The following RNGTT variants were observed in gnomAD, a reference collection of about 807,000 sequenced individuals.
RNGTT encodes the protein mRNA-capping enzyme.
RNGTT carries 33 observed loss-of-function variants against 79.3 expected under a neutral mutation model. That is an observed-to-expected ratio of 0.42 (90% CI 0.32 to 0.56). RNGTT has a LOEUF of 0.56. Ranked by LOEUF, RNGTT falls within the 20% of genes least tolerant of loss-of-function variation. The pLI, the probability that RNGTT is intolerant of heterozygous loss-of-function variation, is 0.17. For missense variants in RNGTT, 497 were observed against 739.1 expected, an observed-to-expected ratio of 0.67 and a Z score of 3.80; for synonymous variants, 222 against 235.9, an observed-to-expected ratio of 0.94 and a Z score of 0.54.
intron 5 of RNGTT, 24 bp from the exon 6 acceptor site, chr6:88,904,979 A>G: frequency 1.2e-6 from 2 of 1,608,340 alleles, no homozygotes; most frequent in Non-Finnish European, 1.7e-6. Context: ...ACACCATGCA[A>G]TTTCCTCGCT....
intron 12 of RNGTT, among the ~76,000 whole-genome samples, chr6:88,782,223 T>C (rs980404787): frequency 2.6e-5 from 4 of 152,082 alleles, no homozygotes; most frequent in Non-Finnish European, 5.9e-5. Flanking sequence ...CTCCATGAGG[T>C]AGTTCAATCT....
At chr6:88,910,503 A>G (rs1582120212) in intron 4 of RNGTT, among the ~76,000 whole-genome samples, 1 of 152,232 alleles carries the variant, frequency 6.6e-6, no homozygotes, top group East Asian at 1.9e-4. Flanking sequence ...AGGATTACAT[A>G]AAGTGACCAA....
intron 6 of RNGTT, among the ~76,000 whole-genome samples, chr6:88,895,690 C>T (rs1027650397): frequency 2.2e-4 from 34 of 152,186 alleles, no homozygotes; most frequent in Non-Finnish European, 4.6e-4. Flanking sequence ...TGTTAACTAT[C>T]TTCAACCTCA....
intron 11 of RNGTT, among the ~76,000 whole-genome samples, chr6:88,828,315 G>A (rs1780738557): frequency 6.6e-6 from 1 of 152,196 alleles, no homozygotes; most frequent in Non-Finnish European, 1.5e-5. Context: ...CTGTTAGAAG[G>A]AAAACTAACA....
intron 14 of RNGTT, among the ~76,000 whole-genome samples, chr6:88,615,363 C>T (rs189523824): frequency 3.2e-4 from 49 of 152,258 alleles, no homozygotes; most frequent in African/African-American, 1.1e-3. Context: ...GCTTTCAATT[C>T]GCAGATTAGG....
At chr6:88,767,789 A>G (rs1398360574) in intron 13 of RNGTT, among the ~76,000 whole-genome samples, 3 of 152,000 alleles carry the variant, frequency 2.0e-5, no homozygotes, top group Non-Finnish European at 4.4e-5. Context: ...CCAGAAGAAC[A>G]TATCAAACCT....
At chr6:88,647,782 G>T (rs535783570) in intron 14 of RNGTT, among the ~76,000 whole-genome samples, 1 of 150,716 alleles carries the variant, frequency 6.6e-6, no homozygotes, top group Admixed American at 6.6e-5. Flanking sequence ...CGAAAAACAT[G>T]CCCTGAACAA....
At chr6:88,798,980 C>T (rs1184720105) in intron 12 of RNGTT, among the ~76,000 whole-genome samples, 1 of 151,946 alleles carries the variant, frequency 6.6e-6, no homozygotes, top group East Asian at 1.9e-4. Context: ...ATGATGAGAA[C>T]TAACAGAATT....
At chr6:88,614,051 T>C (rs1178036983) in intron 15 of RNGTT, among the ~76,000 whole-genome samples, 1 of 152,220 alleles carries the variant, frequency 6.6e-6, no homozygotes, top group African/African-American at 2.4e-5. Context: ...TAAACTTCTC[T>C]TTTGGGTGCA....
intron 13 of RNGTT, among the ~76,000 whole-genome samples, chr6:88,708,445 G>A (rs1776213246): frequency 6.6e-6 from 1 of 151,950 alleles, no homozygotes; most frequent in South Asian, 2.1e-4. Flanking sequence ...GATCCTACTA[G>A]ATACTTTCCC....
intron 14 of RNGTT, among the ~76,000 whole-genome samples, chr6:88,668,529 G>A (rs935024511): frequency 1.3e-5 from 2 of 152,194 alleles, no homozygotes; most frequent in African/African-American, 2.4e-5. Context: ...TACAGAGGTA[G>A]GGCAACAAGT....
chr6:88,878,148 T>G (rs966197619), intron 8 of RNGTT, among the ~76,000 whole-genome samples: 4 of 152,064 alleles, frequency 2.6e-5, no homozygotes, highest in South Asian at 2.1e-4. Flanking sequence ...CAGGCTGAAG[T>G]GTAGTGGTAC....
At chr6:88,848,070 T>A (rs1365775457) in intron 10 of RNGTT, among the ~76,000 whole-genome samples, 1 of 150,650 alleles carries the variant, frequency 6.6e-6, no homozygotes, top group Non-Finnish European at 1.5e-5. Flanking sequence ...TGCAATTAAA[T>A]CATATAAATT....
chr6:88,902,205 T>A (rs562316502), intron 6 of RNGTT, among the ~76,000 whole-genome samples: 3 of 150,654 alleles, frequency 2.0e-5, no homozygotes, highest in Non-Finnish European at 4.4e-5. Flanking sequence ...AAAATAAAAA[T>A]AAAAATAAAA....
intron 14 of RNGTT, among the ~76,000 whole-genome samples, chr6:88,661,184 T>C (rs1188758273): frequency 6.6e-6 from 1 of 151,820 alleles, no homozygotes; most frequent in Non-Finnish European, 1.5e-5. Context: ...AAGAGGAAAG[T>C]TCATAGCATT....
At chr6:88,949,159 GAAA>G in intron 1 of RNGTT, among the ~76,000 whole-genome samples, 1,835 of 50,466 alleles carry the variant, frequency 0.036, 18 homozygotes, top group Middle Eastern at 0.12. Context: ...AAAATAAAAT[GAAA>G]AAAAAAAAAA....
At chr6:88,953,049 T>C (rs990762712) in intron 1 of RNGTT, among the ~76,000 whole-genome samples, 1 of 152,264 alleles carries the variant, frequency 6.6e-6, no homozygotes, top group Middle Eastern at 3.4e-3. Flanking sequence ...TCTGGTAATA[T>C]GATAAAACAG....
intron 13 of RNGTT, among the ~76,000 whole-genome samples, chr6:88,765,960 G>C (rs1339072178): frequency 6.6e-6 from 1 of 152,154 alleles, no homozygotes; most frequent in Non-Finnish European, 1.5e-5. Flanking sequence ...CACACAGAAA[G>C]TTGGACTTAG....
chr6:88,788,971 C>G (rs1779315399), intron 12 of RNGTT, among the ~76,000 whole-genome samples: 1 of 152,174 alleles, frequency 6.6e-6, no homozygotes, highest in African/African-American at 2.4e-5. Flanking sequence ...GAATGTGTTA[C>G]ATGGTTATGT....
Sources: allele counts gnomAD v4.1 joint callset (sites outside exome capture counted in the v4.1 genomes callset), GRCh38; gene constraint gnomAD v4.1.1; transcripts MANE v1.5; gene names NCBI Gene and HGNC (gene_info 2026-07-23, HGNC 2026-07-21).